Variants in MYO7B observed in about 807,000 individuals in gnomAD.
The protein encoded by MYO7B is myosin VIIB, also known as unconventional myosin-VIIb.
A neutral mutation model predicts 259.7 loss-of-function variants in MYO7B; 212 were observed. That is an observed-to-expected ratio of 0.82 (90% CI 0.73 to 0.91). The LOEUF (loss-of-function observed/expected upper bound fraction) is 0.91. MYO7B is among the 40% of genes least tolerant of loss of function. The probability of loss-of-function intolerance (pLI) is 0.00; values close to 1 mark genes in which losing one functional copy is unlikely to be tolerated. For synonymous variants in MYO7B, 1,197 were observed against 1,166.4 expected, an observed-to-expected ratio of 1.03 and a Z score of -0.54; for missense variants, 2,732 against 2,813.5, an observed-to-expected ratio of 0.97 and a Z score of 0.66.
chr2:127,566,254 T>C (rs1458953998), intron 4 of MYO7B, among the ~76,000 whole-genome samples: 1 of 152,138 alleles, frequency 6.6e-6, no homozygotes, highest in African/African-American at 2.4e-5. Context: ...GCACACAGAA[T>C]TTGGGGTTGG....
At chr2:127,549,506 A>C (rs184210439) in intron 1 of MYO7B, among the ~76,000 whole-genome samples, 4 of 152,296 alleles carry the variant, frequency 2.6e-5, no homozygotes, top group Admixed American at 2.6e-4. Context: ...AAGTTTTTAA[A>C]AGACAAAATC....
chr2:127,589,542 G>A (rs1441466427), intron 15 of MYO7B, among the ~76,000 whole-genome samples: 2 of 151,168 alleles, frequency 1.3e-5, no homozygotes, highest in Non-Finnish European at 2.9e-5. Flanking sequence ...GTGGGGCCAT[G>A]GGTGGATGGG....
intron 1 of MYO7B, among the ~76,000 whole-genome samples, chr2:127,557,625 G>A (rs1399039938): frequency 3.3e-5 from 5 of 152,040 alleles, no homozygotes; most frequent in African/African-American, 1.2e-4. Flanking sequence ...CCCCTTTTGT[G>A]GTATTGGTAT....
chr2:127,549,914 AG>A (rs765595323), intron 1 of MYO7B, among the ~76,000 whole-genome samples: 1 of 152,226 alleles, frequency 6.6e-6, no homozygotes, highest in Non-Finnish European at 1.5e-5. Flanking sequence ...AACTGCAAAA[AG>A]GCAGAGACAG....
intron 28 of MYO7B, 32 bp downstream of exon 28, chr2:127,622,133 G>A: frequency 6.5e-7 from 1 of 1,538,530 alleles, no homozygotes; most frequent in South Asian, 1.2e-5. Flanking sequence ...AGCGGGCAGG[G>A]TGGGGTGGTG....
At chr2:127,544,957 C>G (rs1222147379) in intron 1 of MYO7B, among the ~76,000 whole-genome samples, 1 of 152,046 alleles carries the variant, frequency 6.6e-6, no homozygotes, top group African/African-American at 2.4e-5. Flanking sequence ...GATCTCCTGA[C>G]CTCATGATCC....
At chr2:127,555,769 A>G (rs1242128710) in intron 1 of MYO7B, among the ~76,000 whole-genome samples, 1 of 152,192 alleles carries the variant, frequency 6.6e-6, no homozygotes, top group Non-Finnish European at 1.5e-5. Flanking sequence ...AGTACTTGAT[A>G]TAATTTCAAT....
At position 127,621,907 on chromosome 2, in the gene MYO7B, G is replaced by A. The variant is rs77782292; in HGVS notation, c.3526-75G>A. The A allele has an allele frequency of 3.2e-3, 4,885 of 1,544,828 alleles. 125 individuals carry two copies. In the East Asian group the frequency reaches 0.056, roughly 18 times the overall value. On this transcript the variant is annotated intron_variant, in intron 27 of 47. Transcript: ENST00000409816. ...ATACACTGAGTATTATAATTCTTAAGTCCACCTGGGTGGTGAGTAGAAACT... is the reference window on the plus strand; with the variant it reads ...ATACACTGAGTATTATAATTCTTAAATCCACCTGGGTGGTGAGTAGAAACT...
At position 127,634,879 on chromosome 2, in the gene MYO7B, A is replaced by AT. The variant is rs1351945175; in HGVS notation, c.5713+197dup. The AT allele has an allele frequency of 4.8e-5, 31 of 651,388 alleles. No homozygotes were observed. In the South Asian group the frequency reaches 5.8e-4, roughly 12 times the overall value. 40.4% of individuals were successfully genotyped at this position (651,388 alleles called of 1,614,324 possible). On this transcript the variant is annotated intron_variant, in intron 42 of 47. Coordinates refer to ENST00000409816, the MANE Select transcript of MYO7B (RefSeq NM_001393586.1). The stretch of plus-strand genomic sequence containing the variant: ...AAACAGGTGGCTGCACCTTGGAGTG[A>AT]TGAAGGATGCCCCAGGGCTGAGGGG...
chr2:127,623,432 C>A lies in MYO7B; in HGVS notation c.3819+57C>A, dbSNP rs1680941323. 54 of 1,465,858 alleles carry A rather than the reference C, an allele frequency of 3.7e-5. No individual in the cohort carries two copies. In the South Asian group the frequency reaches 7.0e-4, roughly 19 times the overall value. The allele number at this position is 1,465,858 out of a possible 1,614,324, so 90.8% of individuals were successfully genotyped here. On this transcript the variant is annotated intron_variant, in intron 29 of 47. Transcript: ENST00000409816. Reference sequence around the variant, plus strand: ...CTCCCTCATACACCCAGGGAGAGCACCCTGAGGCTCAAGCCCTCTCACCTT... The same window carrying A: ...CTCCCTCATACACCCAGGGAGAGCAACCTGAGGCTCAAGCCCTCTCACCTT...
At position 127,539,678 on chromosome 2, in the gene MYO7B, CT is replaced by C. The variant is rs1326217546; in HGVS notation, c.-24+3851del. ...ATAAGGACTTCCTTGAGGGCTATTT[CT>C]TTTAAAAAAAAAAACTCCATAGTTT... On this transcript the variant is annotated intron_variant, in intron 1 of 47. Coordinates refer to ENST00000409816, the MANE Select transcript of MYO7B (RefSeq NM_001393586.1). The surrounding 1 kb of genome is among the most constrained non-coding windows in gnomAD (Gnocchi z 4.0). Among the ~76,000 whole-genome samples, 3 of 140,730 alleles carry C rather than the reference CT, an allele frequency of 2.1e-5. No individual in the cohort carries two copies. Among genetic ancestry groups the C allele is most frequent in the South Asian group, 2.2e-4 (1 of 4,596 alleles). The allele number at this position is 140,730 out of a possible 152,430, so 92.3% of individuals were successfully genotyped here.
In MYO7B at chr2:127,584,759, G is replaced by C. The variant is rs779043437; in HGVS notation, c.1555-19G>C. Reference sequence around the variant, plus strand: ...TGGACTCTGGGACCTCAGCCCACAGGGTGTCTGGGTTCTTCCAGGGGACAG... The same window carrying C: ...TGGACTCTGGGACCTCAGCCCACAGCGTGTCTGGGTTCTTCCAGGGGACAG... On this transcript the variant is annotated intron_variant, in intron 13 of 47. Transcript: ENST00000409816. The surrounding 1 kb of genome is among the most constrained non-coding windows in gnomAD (Gnocchi z 5.8). 6.2e-6 allele frequency: 10 copies of C among 1,613,110 alleles called. No homozygotes were observed. The highest frequency in any genetic ancestry group is 5.0e-5 in the Admixed American group (3 of 59,918).
rs1196962297 is a variant in MYO7B, at chr2:127,585,590, T to C, written c.1690+677T>C. ...TATGTTTTCATTTCCCCTGGGTATC[T>C]ACCTAGCAGCAGAATTGCTGTGTCA... On this transcript the variant is annotated intron_variant, in intron 14 of 47. Transcript: ENST00000409816. This position sits in a 1 kb window ranked among gnomAD's most constrained non-coding sequence, Gnocchi z 4.3. Among the ~76,000 whole-genome samples the C allele has an allele frequency of 1.3e-5, 2 of 152,242 alleles. No individual in the cohort carries two copies. The highest frequency in any genetic ancestry group is 1.3e-4 in the Admixed American group (2 of 15,284).
At chr2:127,554,709 G>A (rs1372789621) in intron 1 of MYO7B, among the ~76,000 whole-genome samples, 1 of 152,044 alleles carries the variant, frequency 6.6e-6, no homozygotes, top group African/African-American at 2.4e-5. Flanking sequence ...TCTGGTTCTG[G>A]ACTTTTTTGT....
At position 127,607,042 on chromosome 2, in the gene MYO7B, T is replaced by G. The variant is rs1680177509; in HGVS notation, c.2425-164T>G. On this transcript the variant is annotated intron_variant, in intron 20 of 47. Coordinates refer to ENST00000409816, the MANE Select transcript of MYO7B (RefSeq NM_001393586.1). The surrounding 1 kb of genome is among the most constrained non-coding windows in gnomAD (Gnocchi z 4.4). Reference sequence around the variant, plus strand: ...GCCTAAGTACTTTGTAAGCAATAACTCACTATTCTTGTGTTCATAGGTGTG... The same window carrying G: ...GCCTAAGTACTTTGTAAGCAATAACGCACTATTCTTGTGTTCATAGGTGTG... Among the ~76,000 whole-genome samples, 1 of 152,280 alleles carries G rather than the reference T, an allele frequency of 6.6e-6. No homozygotes were observed. Among genetic ancestry groups the G allele is most frequent in the African/African-American group, 2.4e-5 (1 of 41,476 alleles).
chr2:127,589,326 T>G (rs1194192730), intron 15 of MYO7B, among the ~76,000 whole-genome samples: 57 of 89,674 alleles, frequency 6.4e-4, no homozygotes, highest in Admixed American at 1.7e-3. Context: ...TGGGTGGCTG[T>G]GTGGATGGGT....
rs963093033 is a variant in MYO7B at position 127,577,163 on chromosome 2, C to T, written c.849+455C>T. On this transcript the variant is annotated intron_variant, in intron 8 of 47. Coordinates refer to ENST00000409816, the MANE Select transcript of MYO7B (RefSeq NM_001393586.1). This position sits in a 1 kb window ranked among gnomAD's most constrained non-coding sequence, Gnocchi z 5.2. The stretch of plus-strand genomic sequence containing the variant: ...TAGGACAGGGCGGCACCACAGCCAT[C>T]GCTCATTAGCTGAGGCTCCCTGGCC... Among the ~76,000 whole-genome samples the T allele has an allele frequency of 1.3e-5, 2 of 152,318 alleles. No individual in the cohort carries two copies. Among genetic ancestry groups the T allele is most frequent in the Non-Finnish European group, 2.9e-5 (2 of 68,022 alleles).
rs1398650265 is a variant in MYO7B, at chr2:127,613,523, TCTGCAAATCCAA to T, written c.3398+921_3398+932del. ...GATTTACAGTAGTTTTTAAATCTTT[TCTGCAAATCCAA>T]TACCTGGGTCATCTCACGGTCAGTC... On this transcript the variant is annotated intron_variant, in intron 26 of 47. Coordinates refer to ENST00000409816, the MANE Select transcript of MYO7B (RefSeq NM_001393586.1). The surrounding 1 kb of genome is among the most constrained non-coding windows in gnomAD (Gnocchi z 4.3). Among the ~76,000 whole-genome samples the T allele has an allele frequency of 6.6e-6, 1 of 152,282 alleles. No individual in the cohort carries two copies. The highest frequency in any genetic ancestry group is 1.5e-5 in the Non-Finnish European group (1 of 68,050).
intron 41 of MYO7B, 36 bp from the exon 42 acceptor site, chr2:127,634,560 A>C: frequency 6.3e-7 from 1 of 1,576,878 alleles, no homozygotes; most frequent in East Asian, 2.3e-5. Context: ...AGTCCCCGGA[A>C]GCCACCCAAC....
Sources: allele counts gnomAD v4.1 joint callset (sites outside exome capture counted in the v4.1 genomes callset), GRCh38; gene constraint gnomAD v4.1.1; non-coding constraint Gnocchi (gnomAD v3.1); transcripts MANE v1.5; gene names NCBI Gene and HGNC (gene_info 2026-07-23, HGNC 2026-07-21).